Variants in MFN1 observed in about 807,000 individuals in gnomAD.
MFN1 encodes the protein mitofusin-1.
In MFN1, 65 loss-of-function variants were observed where a neutral mutation model predicts 92.4. The observed-to-expected ratio is 0.70, with a 90% CI of 0.58 to 0.86. The LOEUF (loss-of-function observed/expected upper bound fraction) is 0.86, where lower values mean the gene tolerates loss of function less well. MFN1 is among the 40% of genes least tolerant of loss of function. The pLI, the probability that MFN1 is intolerant of heterozygous loss-of-function variation, is 0.00. For synonymous variants in MFN1, 297 were observed against 300.9 expected, an observed-to-expected ratio of 0.99 and a Z score of 0.13; for missense variants, 781 against 868.0, an observed-to-expected ratio of 0.90 and a Z score of 1.26.
chr3:179,351,889 C>G lies in MFN1; in HGVS notation c.113-11C>G. Reference sequence around the variant, plus strand: ...TTATATCACTTTTCTAATGCCATTTCAATTTTGCAGCAACATATAAGAATC... The same window carrying G: ...TTATATCACTTTTCTAATGCCATTTGAATTTTGCAGCAACATATAAGAATC... On this transcript the variant is annotated splice_polypyrimidine_tract_variant and intron_variant, in intron 2 of 17. Coordinates refer to ENST00000471841, the MANE Select transcript of MFN1 (RefSeq NM_033540.3). 1 of 1,586,640 alleles carries G rather than the reference C, an allele frequency of 6.3e-7. No homozygotes were observed. The highest frequency in any genetic ancestry group is 8.6e-7 in the Non-Finnish European group (1 of 1,160,700).
Position 179,390,098 on chromosome 3 carries a change from G to T in MFN1, c.2107G>T (p.Asp703Tyr), listed in dbSNP as rs200188689. Residue 703 changes from aspartate to tyrosine, a missense_variant, in exon 17 of 18, where the codon GAT becomes TAT. By Grantham distance (160) the Asp-to-Tyr change is radical. Coordinates refer to ENST00000471841, the MANE Select transcript of MFN1 (RefSeq NM_033540.3). ...EEIARLPKEI[D>Y]QLEKIQNNSK... ...AATTGCTAGATTACCCAAAGAAATA[G>T]ATCAGTTGGAGAAAATACAAAACAA... is the stretch of plus-strand genomic sequence containing the variant. 1 of 1,604,126 alleles carries T rather than the reference G, an allele frequency of 6.2e-7. No individual in the cohort carries two copies. The highest frequency in any genetic ancestry group is 1.1e-5 in the South Asian group (1 of 88,442).
chr3:179,361,086 C>T (rs1462843303), intron 4 of MFN1, among the ~76,000 whole-genome samples: 16 of 152,062 alleles, frequency 1.1e-4, no homozygotes, highest in Admixed American at 7.9e-4. Flanking sequence ...ATCACTCAGC[C>T]TGGGAAATGG....
rs1156547851 is a variant in MFN1, at chr3:179,392,105, G to T, written c.*46G>T. On this transcript the variant is annotated 3_prime_UTR_variant, in exon 18 of 18. Coordinates refer to ENST00000471841, the MANE Select transcript of MFN1 (RefSeq NM_033540.3). Reference sequence around the variant, plus strand: ...ACCATGATAGGAGGAAACGAAACTTGTAAGATTGGAACAGTTGTTATTTTT... The same window carrying T: ...ACCATGATAGGAGGAAACGAAACTTTTAAGATTGGAACAGTTGTTATTTTT... 8.2e-7 allele frequency: 1 copy of T among 1,217,720 alleles called. No homozygotes were observed. Among genetic ancestry groups the T allele is most frequent in the South Asian group, 1.3e-5 (1 of 78,502 alleles). 75.4% of individuals were successfully genotyped at this position (1,217,720 alleles called of 1,614,324 possible).
At chr3:179,356,869 A>G (rs1712363482) in intron 3 of MFN1, among the ~76,000 whole-genome samples, 1 of 152,176 alleles carries the variant, frequency 6.6e-6, no homozygotes, top group Non-Finnish European at 1.5e-5. Flanking sequence ...ATATGCTGAG[A>G]CACCAGGTTG....
rs1713950491 is a variant in MFN1, at chr3:179,392,601, T to C, written c.*542T>C. The C allele has an allele frequency of 6.6e-6, 1 of 152,248 alleles. No homozygotes were observed. Among genetic ancestry groups the C allele is most frequent in the African/African-American group, 2.4e-5 (1 of 41,460 alleles). 9.4% of individuals were successfully genotyped at this position (152,248 alleles called of 1,614,324 possible). A position where few individuals can be genotyped will look rare whatever the true frequency, so the allele number is the denominator to read the frequency against. On this transcript the variant is annotated 3_prime_UTR_variant, in exon 18 of 18. Transcript: ENST00000471841. ...TAATAAATGTGTTTTTACTTTTTAT[T>C]CCCGTTAAAACTGATGTAAAACAGG...
intron 5 of MFN1, 25 bp from the exon 6 acceptor site, chr3:179,364,272 A>G (rs764536624): frequency 2.7e-6 from 4 of 1,503,206 alleles, no homozygotes; most frequent in Non-Finnish European, 3.6e-6. Context: ...GAAATATAAT[A>G]CAATTTTTAT....
At position 179,374,333 on chromosome 3, in the gene MFN1, GTAATATATATATAACA is replaced by G. The variant is rs1713141154; in HGVS notation, c.976-884_976-869del. On this transcript the variant is annotated intron_variant, in intron 9 of 17. Coordinates refer to ENST00000471841, the MANE Select transcript of MFN1 (RefSeq NM_033540.3). ...TATATAACATATATAACATATATAT[GTAATATATATATAACA>G]TATATAACATATATATGTAATATAT... 2.5e-4 allele frequency among the ~76,000 whole-genome samples: 10 copies of G among 40,212 alleles called. 1 individual carries two copies. In the South Asian group the frequency reaches 7.0e-3, roughly 28 times the overall value. The allele number at this position is 40,212 out of a possible 152,430, so 26.4% of individuals were successfully genotyped here. A position where few individuals can be genotyped will look rare whatever the true frequency, so the allele number is the denominator to read the frequency against.
chr3:179,389,921 G>A (rs1403669763), intron 16 of MFN1, 83 bp from the exon 17 acceptor site: 5 of 1,324,116 alleles, frequency 3.8e-6, no homozygotes, highest in Non-Finnish European at 5.2e-6. Flanking sequence ...TAAAACTTGT[G>A]TTCTTCTTTT....
At chr3:179,383,411 C>T (rs1258883838) in intron 14 of MFN1, among the ~76,000 whole-genome samples, 1 of 152,112 alleles carries the variant, frequency 6.6e-6, no homozygotes, top group Non-Finnish European at 1.5e-5. Context: ...GGGCTCTGTT[C>T]TGTTCCATTG....
intron 9 of MFN1, among the ~76,000 whole-genome samples, chr3:179,372,140 GGA>G (rs201186137): frequency 0.014 from 2,110 of 147,780 alleles, 57 homozygotes; most frequent in South Asian, 0.11. Flanking sequence ...CCCTCACACA[GGA>G]GAGAGAGTAT....
In MFN1 at chr3:179,365,290, A is replaced by G. The variant is rs546152509; in HGVS notation, c.753+65A>G. ...GTCACATACATTGTTATTTGAGAAA[A>G]CAATATTGCTTATAGAATAGAAAAT... On this transcript the variant is annotated intron_variant, in intron 7 of 17. Coordinates refer to ENST00000471841, the MANE Select transcript of MFN1 (RefSeq NM_033540.3). The G allele has an allele frequency of 7.5e-6, 7 of 932,188 alleles. 1 individual carries two copies. The highest frequency in any genetic ancestry group is 1.1e-5 in the Non-Finnish European group (7 of 624,570). 57.7% of individuals were successfully genotyped at this position (932,188 alleles called of 1,614,324 possible).
At position 179,348,935 on chromosome 3, in the gene MFN1, T is replaced by A. The variant is rs1337581953; in HGVS notation, c.84T>A (p.Phe28Leu). The A allele has an allele frequency of 3.1e-6, 5 of 1,595,394 alleles. No individual in the cohort carries two copies. Among genetic ancestry groups the A allele is most frequent in the Non-Finnish European group, 4.3e-6 (5 of 1,165,288 alleles). Residue 28 changes from phenylalanine (F) to leucine (L), a missense_variant, in exon 2 of 18, where the codon TTT (phenylalanine) becomes TTA (leucine). Coordinates refer to ENST00000471841, the MANE Select transcript of MFN1 (RefSeq NM_033540.3). ...CAATCTTTGACCAGTTACTGGAGTT[T>A]GTTACTGAAGGATCACATTTTGTTG... ...ITAIFDQLLE[F>L]VTEGSHFVEA...
chr3:179,376,055 G>T (rs893935047), intron 10 of MFN1, among the ~76,000 whole-genome samples: 1 of 152,166 alleles, frequency 6.6e-6, no homozygotes, highest in South Asian at 2.1e-4. Context: ...AAACATAAAC[G>T]CATCAAAGCT....
At chr3:179,381,694 A>G (rs1443960016) in intron 14 of MFN1, among the ~76,000 whole-genome samples, 1 of 152,264 alleles carries the variant, frequency 6.6e-6, no homozygotes, top group African/African-American at 2.4e-5. Context: ...GTTTTCTGAT[A>G]AGTCAGTGTA....
intron 9 of MFN1, among the ~76,000 whole-genome samples, chr3:179,374,719 C>T (rs1453987281): frequency 6.6e-6 from 1 of 152,120 alleles, no homozygotes; most frequent in Non-Finnish European, 1.5e-5. Flanking sequence ...AAATTCTTCA[C>T]ATTTTAACTC....
intron 4 of MFN1, among the ~76,000 whole-genome samples, chr3:179,361,614 G>A (rs1712583482): frequency 6.7e-6 from 1 of 150,126 alleles, no homozygotes; most frequent in African/African-American, 2.5e-5. Context: ...TTGGCTCACT[G>A]CAACCTTCAC....
At chr3:179,372,280 A>T (rs1351318711) in intron 9 of MFN1, among the ~76,000 whole-genome samples, 2 of 151,260 alleles carry the variant, frequency 1.3e-5, no homozygotes, top group Non-Finnish European at 2.9e-5. Context: ...GTTGGCAGTG[A>T]TGAGTAGCAT....
At position 179,393,800 on chromosome 3, in the gene MFN1, T is replaced by G. The variant is rs1220878968; in HGVS notation, c.*1741T>G. The G allele has an allele frequency of 2.0e-5, 3 of 152,214 alleles. No individual in the cohort carries two copies. Among genetic ancestry groups the G allele is most frequent in the African/African-American group, 7.2e-5 (3 of 41,462 alleles). 9.4% of individuals were successfully genotyped at this position (152,214 alleles called of 1,614,324 possible). ...AGCTTGAAAGTTCATAATAGTTTGGTATCACCTCATTAGTATAGTACAGTG... is the reference window on the plus strand; with the variant it reads ...AGCTTGAAAGTTCATAATAGTTTGGGATCACCTCATTAGTATAGTACAGTG... On this transcript the variant is annotated 3_prime_UTR_variant, in exon 18 of 18. Coordinates refer to ENST00000471841, the MANE Select transcript of MFN1 (RefSeq NM_033540.3).
At chr3:179,373,786 G>A (rs1380270353) in intron 9 of MFN1, among the ~76,000 whole-genome samples, 1 of 151,914 alleles carries the variant, frequency 6.6e-6, no homozygotes, top group Non-Finnish European at 1.5e-5. Context: ...CCATTCTCCT[G>A]CCTCAGCCTC....
Sources: allele counts gnomAD v4.1 joint callset (sites outside exome capture counted in the v4.1 genomes callset), GRCh38; gene constraint gnomAD v4.1.1; transcripts MANE v1.5; gene names NCBI Gene and HGNC (gene_info 2026-07-23, HGNC 2026-07-21).